Variants in CSNK1G3 observed in about 807,000 individuals in gnomAD.
The protein encoded by CSNK1G3 is casein kinase 1 gamma 3.
In CSNK1G3, 23 loss-of-function variants were observed where a neutral mutation model predicts 64.3. The ratio of observed to expected loss-of-function variants is 0.36; its 90% confidence interval spans 0.26 to 0.51. The LOEUF (loss-of-function observed/expected upper bound fraction) is 0.51. Among genes scored for constraint, CSNK1G3 ranks in the 20% least tolerant of loss-of-function variants. The pLI is 0.96. For synonymous variants in CSNK1G3, 158 were observed against 162.2 expected, an observed-to-expected ratio of 0.97 and a Z score of 0.20; for missense variants, 357 against 510.5, an observed-to-expected ratio of 0.70 and a Z score of 2.90.
intron 1 of CSNK1G3, among the ~76,000 whole-genome samples, chr5:123,542,252 C>G (rs1421342156): frequency 1.3e-5 from 2 of 152,080 alleles, no homozygotes; most frequent in African/African-American, 4.8e-5. Flanking sequence ...AAAATCTTCT[C>G]TCAATAATTT....
chr5:123,562,384 ATATGT>A (rs1785925922), intron 4 of CSNK1G3, among the ~76,000 whole-genome samples: 1 of 152,012 alleles, frequency 6.6e-6, no homozygotes, highest in South Asian at 2.1e-4. Context: ...AGTGATAATG[ATATGT>A]TCATCTTTTT....
intron 1 of CSNK1G3, among the ~76,000 whole-genome samples, chr5:123,536,441 A>T (rs72791777): frequency 0.02 from 1,691 of 83,796 alleles, 16 homozygotes; most frequent in African/African-American, 0.026. Flanking sequence ...TTTTTTTTTT[A>T]AAAAAAAAAG....
intron 12 of CSNK1G3, among the ~76,000 whole-genome samples, chr5:123,608,213 T>G (rs1795701172): frequency 6.6e-6 from 1 of 152,176 alleles, no homozygotes; most frequent in Admixed American, 6.6e-5. Context: ...TACCTATAAT[T>G]AGCAGAGATC....
chr5:123,606,201 T>C (rs1795337984), intron 12 of CSNK1G3, among the ~76,000 whole-genome samples: 1 of 152,142 alleles, frequency 6.6e-6, no homozygotes, highest in Admixed American at 6.6e-5. Context: ...TAATCACTTT[T>C]GACTATAGAA....
At chr5:123,602,752 T>C (rs1186173168) in intron 10 of CSNK1G3, among the ~76,000 whole-genome samples, 2 of 152,120 alleles carry the variant, frequency 1.3e-5, no homozygotes, top group Non-Finnish European at 2.9e-5. Flanking sequence ...ACTGAGGATA[T>C]GGGTGAGTGG....
chr5:123,561,829 A>G (rs759391592), intron 4 of CSNK1G3, among the ~76,000 whole-genome samples: 1 of 152,054 alleles, frequency 6.6e-6, no homozygotes, highest in Non-Finnish European at 1.5e-5. Context: ...ACCTAGTTCC[A>G]TTAGTTCCAC....
At chr5:123,582,006 T>C (rs1266450961) in intron 6 of CSNK1G3, among the ~76,000 whole-genome samples, 2 of 152,080 alleles carry the variant, frequency 1.3e-5, no homozygotes, top group Non-Finnish European at 2.9e-5. Flanking sequence ...TTTTTCATTA[T>C]GGTAGAAAAT....
rs1790214105 is a variant in CSNK1G3 at position 123,581,347 on chromosome 5, G to GT, written c.673+5390dup. 4.5e-5 allele frequency among the ~76,000 whole-genome samples: 4 copies of GT among 89,530 alleles called. No individual in the cohort carries two copies. In the South Asian group the frequency reaches 1.4e-3, roughly 32 times the overall value. 58.7% of individuals were successfully genotyped at this position (89,530 alleles called of 152,430 possible). A position where few individuals can be genotyped will look rare whatever the true frequency, so the allele number is the denominator to read the frequency against. ...ATACTTTGTAATAGATTCTCTTTTT[G>GT]TTTTTTGGGTTTGTTTTTTTTTTTT... On this transcript the variant is annotated intron_variant, in intron 6 of 12. Transcript: ENST00000345990.
intron 4 of CSNK1G3, among the ~76,000 whole-genome samples, chr5:123,562,641 A>C (rs951147758): frequency 1.1e-4 from 16 of 152,036 alleles, no homozygotes; most frequent in Non-Finnish European, 2.4e-4. Flanking sequence ...CAAATAATAC[A>C]ATTTCAAATT....
At chr5:123,586,690 G>C (rs1353279497) in intron 6 of CSNK1G3, among the ~76,000 whole-genome samples, 1 of 152,128 alleles carries the variant, frequency 6.6e-6, no homozygotes, top group Non-Finnish European at 1.5e-5. Context: ...TTGCAGTCTG[G>C]TGGAAGCATA....
intron 10 of CSNK1G3, among the ~76,000 whole-genome samples, chr5:123,597,114 C>A (rs112382402): frequency 6.4e-4 from 97 of 151,972 alleles, no homozygotes; most frequent in African/African-American, 2.2e-3. Flanking sequence ...ACAATATGTT[C>A]TATTAATATT....
At chr5:123,520,355 C>G (rs930189876) in intron 1 of CSNK1G3, among the ~76,000 whole-genome samples, 1 of 151,694 alleles carries the variant, frequency 6.6e-6, no homozygotes, top group African/African-American at 2.4e-5. Flanking sequence ...ATGTTAATGT[C>G]AGTTGTTTAT....
intron 1 of CSNK1G3, among the ~76,000 whole-genome samples, chr5:123,518,990 C>T (rs1777640322): frequency 6.6e-6 from 1 of 152,156 alleles, no homozygotes; most frequent in Non-Finnish European, 1.5e-5. Flanking sequence ...GAACTCCTGG[C>T]CTCAAGTGAT....
intron 2 of CSNK1G3, among the ~76,000 whole-genome samples, chr5:123,550,050 A>G (rs974062004): frequency 6.6e-6 from 1 of 152,102 alleles, no homozygotes; most frequent in Middle Eastern, 3.2e-3. Flanking sequence ...GAATATGTAG[A>G]TTTGGATGGG....
intron 8 of CSNK1G3, 89 bp downstream of exon 8, chr5:123,588,600 T>C (rs1419542323): frequency 2.3e-6 from 2 of 852,520 alleles, no homozygotes; most frequent in African/African-American, 3.5e-5. Flanking sequence ...TTTTTTTCTA[T>C]GCTTAAAAAA....
exon 7 of CSNK1G3, chr5:123,588,138 T>A (rs771989540): frequency 1.2e-6 from 2 of 1,601,592 alleles, no homozygotes; most frequent in African/African-American, 2.7e-5. Flanking sequence ...GCAGTCTTCC[T>A]TGGCAAGGCT....
At chr5:123,614,679 C>A (rs766862616) in exon 13 of CSNK1G3, 2 of 281,164 alleles carry the variant, frequency 7.1e-6, no homozygotes, top group Non-Finnish European at 1.3e-5. Context: ...GAATATAGTT[C>A]CATAGAACAT....
chr5:123,576,104 T>C, intron 6 of CSNK1G3, 141 bp downstream of exon 6: 1 of 547,926 alleles, frequency 1.8e-6, no homozygotes, highest in Non-Finnish European at 3.3e-6. Flanking sequence ...ACCTAGAGTT[T>C]ACTTTCACTT....
intron 1 of CSNK1G3, among the ~76,000 whole-genome samples, chr5:123,512,903 A>G (rs559409819): frequency 3.0e-4 from 45 of 151,924 alleles, no homozygotes; most frequent in East Asian, 1.8e-3. Flanking sequence ...AGGTGGGCCA[A>G]CTGGGCCGGC....
Sources: allele counts gnomAD v4.1 joint callset (sites outside exome capture counted in the v4.1 genomes callset), GRCh38; gene constraint gnomAD v4.1.1; transcripts MANE v1.5; gene names NCBI Gene and HGNC (gene_info 2026-07-23, HGNC 2026-07-21).